The following DPYD variants were observed in gnomAD, a reference collection of about 807,000 sequenced individuals.
DPYD encodes dihydropyrimidine dehydrogenase [NADP(+)].
A neutral mutation model predicts 116.2 loss-of-function variants in DPYD; 109 were observed. The ratio of observed to expected loss-of-function variants is 0.94; its 90% CI spans 0.80 to 1.10. The LOEUF (loss-of-function observed/expected upper bound fraction) is 1.10. DPYD is among the 50% of genes least tolerant of loss of function. DPYD has a pLI of 0.00. For synonymous variants in DPYD, 440 were observed against 432.0 expected, an observed-to-expected ratio of 1.02 and a Z score of -0.23; for missense variants, 1,302 against 1,254.5, an observed-to-expected ratio of 1.04 and a Z score of -0.57.
At chr1:97,791,033 C>G (rs1667294953) in intron 3 of DPYD, among the ~76,000 whole-genome samples, 1 of 152,124 alleles carries the variant, frequency 6.6e-6, no homozygotes, top group African/African-American at 2.4e-5. Context: ...TTGGTTCATC[C>G]AAAGTTATGT....
intron 8 of DPYD, among the ~76,000 whole-genome samples, chr1:97,599,177 T>C (rs1418935553): frequency 1.3e-5 from 2 of 152,236 alleles, no homozygotes; most frequent in Non-Finnish European, 2.9e-5. Context: ...CTTTCTGAAA[T>C]GTTTTCCTTC....
chr1:97,102,465 A>ATCTATCTG (rs1650792302), intron 20 of DPYD, among the ~76,000 whole-genome samples: 1 of 109,254 alleles, frequency 9.2e-6, no homozygotes, highest in Admixed American at 1.2e-4. Flanking sequence ...TCTATTATCT[A>ATCTATCTG]TCTATCTATC....
At chr1:97,710,922 T>TA (rs991945437) in intron 5 of DPYD, among the ~76,000 whole-genome samples, 3 of 151,092 alleles carry the variant, frequency 2.0e-5, no homozygotes, top group South Asian at 2.1e-4. Flanking sequence ...AAAACAACAA[T>TA]AAAAAAAACA....
chr1:97,723,584 C>A (rs1663046410), intron 4 of DPYD, among the ~76,000 whole-genome samples: 1 of 151,504 alleles, frequency 6.6e-6, no homozygotes, highest in African/African-American at 2.4e-5. Context: ...TAGTTGTGGT[C>A]TTTCCATCAG....
intron 16 of DPYD, among the ~76,000 whole-genome samples, chr1:97,335,756 T>C (rs1669254409): frequency 6.6e-6 from 1 of 152,152 alleles, no homozygotes; most frequent in Non-Finnish European, 1.5e-5. Context: ...AAATAACATA[T>C]GGGAAAAGAA....
intron 1 of DPYD, among the ~76,000 whole-genome samples, chr1:97,884,150 A>T (rs1367004739): frequency 6.6e-6 from 1 of 152,052 alleles, no homozygotes; most frequent in Non-Finnish European, 1.5e-5. Flanking sequence ...AATATGGGGC[A>T]AAATATAAAT....
intron 3 of DPYD, among the ~76,000 whole-genome samples, chr1:97,792,286 T>A (rs1027164255): frequency 6.6e-6 from 1 of 152,042 alleles, no homozygotes; most frequent in Non-Finnish European, 1.5e-5. Context: ...TTTATTTTTT[T>A]TTTTTGAGAC....
intron 21 of DPYD, among the ~76,000 whole-genome samples, chr1:97,088,030 T>C (rs1649644928): frequency 6.6e-6 from 1 of 152,210 alleles, no homozygotes; most frequent in South Asian, 2.1e-4. Flanking sequence ...TCATTGGTAA[T>C]GTGATCTGTC....
chr1:97,107,936 G>A (rs1462183930), intron 20 of DPYD, among the ~76,000 whole-genome samples: 1 of 151,876 alleles, frequency 6.6e-6, no homozygotes, highest in East Asian at 1.9e-4. Context: ...GTTTCACACA[G>A]TAGAAACCAT....
chr1:97,451,496 G>C (rs1676410655), intron 13 of DPYD, among the ~76,000 whole-genome samples: 1 of 152,094 alleles, frequency 6.6e-6, no homozygotes, highest in Admixed American at 6.6e-5. Context: ...TTAACTTATA[G>C]GAATCATGCC....
rs549381003 is a variant in DPYD, at chr1:97,141,912, G to A, written c.2623-43280C>T. The stretch of plus-strand genomic sequence containing the variant: ...CTGACTCCTTTGCCAAGTAGCCGCA[G>A]TACATATCCACAGCCTCCTACCAAA... On this transcript the variant is annotated intron_variant, in intron 20 of 22. Coordinates refer to ENST00000370192, the MANE Select transcript of DPYD (RefSeq NM_000110.4). Among the ~76,000 whole-genome samples the A allele has an allele frequency of 3.3e-5, 5 of 152,244 alleles. No individual in the cohort carries two copies. In the East Asian group the frequency reaches 9.7e-4, roughly 29 times the overall value.
intron 3 of DPYD, among the ~76,000 whole-genome samples, chr1:97,766,602 G>C (rs748592683): frequency 6.6e-6 from 1 of 152,134 alleles, no homozygotes; most frequent in Non-Finnish European, 1.5e-5. Context: ...AGAATTAAGT[G>C]GTGCCCAACA....
chr1:97,797,501 G>A (rs1667631536), intron 3 of DPYD: 1 of 151,948 alleles, frequency 6.6e-6, no homozygotes, highest in South Asian at 2.1e-4. Flanking sequence ...CACTAAAAGG[G>A]AAGAACATAA....
intron 12 of DPYD, among the ~76,000 whole-genome samples, chr1:97,538,829 T>C (rs1411192496): frequency 2.6e-5 from 4 of 152,226 alleles, no homozygotes; most frequent in Non-Finnish European, 5.9e-5. Context: ...TATTTGTGTG[T>C]GTGTCTTGTG....
intron 19 of DPYD, among the ~76,000 whole-genome samples, chr1:97,218,357 A>C (rs1660552768): frequency 1.3e-5 from 2 of 152,084 alleles, no homozygotes; most frequent in African/African-American, 4.8e-5. Flanking sequence ...AAAAATGACC[A>C]AAAACATACT....
chr1:97,505,355 T>C (rs1163607640), intron 13 of DPYD, among the ~76,000 whole-genome samples: 1 of 152,014 alleles, frequency 6.6e-6, no homozygotes, highest in East Asian at 1.9e-4. Context: ...GACATTATGC[T>C]GCATCTTACA....
intron 3 of DPYD, among the ~76,000 whole-genome samples, chr1:97,813,776 T>G (rs529633736): frequency 6.6e-6 from 1 of 152,320 alleles, no homozygotes; most frequent in South Asian, 2.1e-4. Flanking sequence ...TTAGGAAGAC[T>G]GATCTTTAAA....
chr1:97,851,249 CATATAT>C (rs60887494), intron 2 of DPYD, among the ~76,000 whole-genome samples: 1 of 146,902 alleles, frequency 6.8e-6, no homozygotes, highest in Non-Finnish European at 1.5e-5. Flanking sequence ...GTCTAATTAC[CATATAT>C]ATATATATAT....
chr1:97,479,178 A>T (rs1222422368), intron 13 of DPYD, among the ~76,000 whole-genome samples: 2 of 152,208 alleles, frequency 1.3e-5, no homozygotes, highest in Non-Finnish European at 2.9e-5. Flanking sequence ...TTGTATTAAC[A>T]ACTTGGCTAA....
Sources: allele counts gnomAD v4.1 joint callset (sites outside exome capture counted in the v4.1 genomes callset), GRCh38; gene constraint gnomAD v4.1.1; transcripts MANE v1.5; gene names NCBI Gene and HGNC (gene_info 2026-07-23, HGNC 2026-07-21).